Variants in DPP10 observed in about 807,000 individuals in gnomAD.
DPP10 encodes inactive dipeptidyl peptidase 10.
In DPP10, 33 loss-of-function variants were observed where a neutral mutation model predicts 120.9. That is an observed-to-expected ratio of 0.27 (90% confidence interval 0.21 to 0.37). The LOEUF (loss-of-function observed/expected upper bound fraction) is 0.37. Ranked by LOEUF, DPP10 falls within the 10% of genes least tolerant of loss-of-function variation. The pLI is 1.00. For missense variants in DPP10, 816 were observed against 942.8 expected (o/e 0.87, Z 1.76); for synonymous variants, 337 against 326.1 (o/e 1.03, Z -0.36).
chr2:114,874,855 C>G (rs1691019003), intron 1 of DPP10, among the ~76,000 whole-genome samples: 1 of 152,050 alleles, frequency 6.6e-6, no homozygotes. Flanking sequence ...AATAGAGGAG[C>G]AGGCTTTTGA....
intron 1 of DPP10, among the ~76,000 whole-genome samples, chr2:115,187,130 G>T (rs1006679774): frequency 7.1e-6 from 1 of 141,040 alleles, no homozygotes; most frequent in Non-Finnish European, 1.5e-5. Context: ...TCCGCTTCCC[G>T]GGTTCACGCC....
intron 19 of DPP10, among the ~76,000 whole-genome samples, chr2:115,808,232 A>G (rs1686241169): frequency 6.6e-6 from 1 of 152,266 alleles, no homozygotes; most frequent in Non-Finnish European, 1.5e-5. Context: ...TTTATGTGAC[A>G]TAAAGACTAC....
chr2:115,489,779 G>T (rs111656504), intron 3 of DPP10, among the ~76,000 whole-genome samples: 1 of 151,974 alleles, frequency 6.6e-6, no homozygotes, highest in Admixed American at 6.6e-5. Context: ...ATTTGGATCT[G>T]CAGACAATCT....
intron 5 of DPP10, among the ~76,000 whole-genome samples, chr2:115,564,227 CAT>C (rs1038242308): frequency 5.7e-5 from 8 of 140,778 alleles, no homozygotes; most frequent in South Asian, 2.3e-4. Flanking sequence ...GAAATTTGAT[CAT>C]GTCTTTTTTT....
At chr2:114,497,294 CATGTAT>C (rs1682691096) in intron 1 of DPP10, among the ~76,000 whole-genome samples, 1 of 54,806 alleles carries the variant, frequency 1.8e-5, no homozygotes, top group African/African-American at 5.5e-5. Context: ...TATACATGTA[CATGTAT>C]ACGTGTATAC....
At position 115,843,299 on chromosome 2, in the gene DPP10, A is replaced by G. The variant is rs1559233187; in HGVS notation, c.*954A>G. On this transcript the variant is annotated 3_prime_UTR_variant, in exon 26 of 26. Transcript: ENST00000410059. ...ATTAGATACTTAAATATTAAATTAT[A>G]GTTTCTGATAAAGAAATTTTGTTAA... 1 of 152,638 alleles carries G rather than the reference A, an allele frequency of 6.6e-6. No individual in the cohort carries two copies. The highest frequency in any genetic ancestry group is 1.5e-5 in the Non-Finnish European group (1 of 68,040). The allele number at this position is 152,638 out of a possible 1,614,324, so 9.5% of individuals were successfully genotyped here. A position where few individuals can be genotyped will look rare whatever the true frequency, so the allele number is the denominator to read the frequency against.
intron 1 of DPP10, among the ~76,000 whole-genome samples, chr2:114,945,569 C>A (rs1697282683): frequency 6.6e-6 from 1 of 152,104 alleles, no homozygotes. Context: ...AATCCCAGCA[C>A]TTTGGGAGGC....
Position 114,924,994 on chromosome 2 carries a change from G to A in DPP10, c.61-384245G>A, listed in dbSNP as rs554622064. The stretch of plus-strand genomic sequence containing the variant: ...TGGGAGGCCGAGGGGGGCTAATCAC[G>A]AGGTCAGGAGTTTGAGACCAGCCTG... On this transcript the variant is annotated intron_variant, in intron 1 of 25. Transcript: ENST00000410059. Among the ~76,000 whole-genome samples, 49 of 147,296 alleles carry A rather than the reference G, an allele frequency of 3.3e-4. No homozygotes were observed. In the East Asian group the frequency reaches 8.5e-3, roughly 26 times the overall value.
chr2:115,670,621 GT>G (rs1176867329), intron 5 of DPP10, among the ~76,000 whole-genome samples: 1 of 152,102 alleles, frequency 6.6e-6, no homozygotes, highest in Non-Finnish European at 1.5e-5. Context: ...CTTTTAAGCT[GT>G]TTTATGCTGA....
At chr2:114,550,894 T>C (rs147805695) in intron 1 of DPP10, among the ~76,000 whole-genome samples, 23 of 152,346 alleles carry the variant, frequency 1.5e-4, no homozygotes, top group African/African-American at 5.3e-4. Flanking sequence ...TGTCTCTGAC[T>C]GTTCAGATCA....
At chr2:115,655,880 C>G (rs574967335) in intron 5 of DPP10, among the ~76,000 whole-genome samples, 30 of 151,602 alleles carry the variant, frequency 2.0e-4, no homozygotes, top group African/African-American at 6.8e-4. Flanking sequence ...TGAGAAGGAG[C>G]TTTGGCAATT....
intron 1 of DPP10, among the ~76,000 whole-genome samples, chr2:115,236,860 G>A (rs2058032115): frequency 6.6e-6 from 1 of 152,172 alleles, no homozygotes; most frequent in Non-Finnish European, 1.5e-5. Context: ...AAGGAAAATA[G>A]TGTTAACATC....
intron 8 of DPP10, among the ~76,000 whole-genome samples, chr2:115,730,198 G>T (rs1345383018): frequency 1.3e-5 from 2 of 152,162 alleles, no homozygotes; most frequent in Non-Finnish European, 2.9e-5. Context: ...CTTCTTCTAT[G>T]TTCTATCAAG....
chr2:114,692,776 A>G (rs1559009298), intron 1 of DPP10, among the ~76,000 whole-genome samples: 3 of 152,084 alleles, frequency 2.0e-5, no homozygotes, highest in Non-Finnish European at 4.4e-5. Context: ...TATTGGGTGC[A>G]TATATATTTT....
At chr2:115,271,051 G>A (rs1046818824) in intron 1 of DPP10, among the ~76,000 whole-genome samples, 1 of 152,146 alleles carries the variant, frequency 6.6e-6, no homozygotes, top group Admixed American at 6.5e-5. Flanking sequence ...AACTACTCAA[G>A]CTCTTTCCAC....
rs542649865 is a variant in DPP10 at position 115,080,505 on chromosome 2, T to C, written c.61-228734T>C. Among the ~76,000 whole-genome samples the C allele has an allele frequency of 1.9e-3, 288 of 152,242 alleles. 2 individuals are homozygous for C. The highest frequency in any genetic ancestry group is 6.8e-3 in the African/African-American group (283 of 41,532). ...CTAGTCCACTATCTTATTCTGTAAA[T>C]AGAGTTTTGTCGGAAACAACCCAGT... On this transcript the variant is annotated intron_variant, in intron 1 of 25. Coordinates refer to ENST00000410059, the MANE Select transcript of DPP10 (RefSeq NM_020868.6).
chr2:115,720,198 T>A (rs1295444242), intron 7 of DPP10, among the ~76,000 whole-genome samples: 1 of 152,210 alleles, frequency 6.6e-6, no homozygotes, highest in African/African-American at 2.4e-5. Flanking sequence ...CAACACTTAT[T>A]AGTGGCTCTC....
intron 1 of DPP10, among the ~76,000 whole-genome samples, chr2:115,290,042 C>T (rs1363684828): frequency 1.3e-5 from 2 of 152,054 alleles, no homozygotes; most frequent in Non-Finnish European, 2.9e-5. Context: ...AAGAAATAAT[C>T]AAAAGAGTAA....
intron 1 of DPP10, among the ~76,000 whole-genome samples, chr2:114,654,318 C>A (rs1044084567): frequency 6.6e-6 from 1 of 152,066 alleles, no homozygotes; most frequent in African/African-American, 2.4e-5. Context: ...CCATCGTTGT[C>A]TTGGAAATAC....
Sources: gnomAD v4.1 joint callset for allele counts (sites outside exome capture counted in the v4.1 genomes callset) on GRCh38, gnomAD v4.1.1 for gene constraint, MANE v1.5 for transcripts, NCBI Gene and HGNC (gene_info 2026-07-23, HGNC 2026-07-21) for gene names.